The following JMJD1C variants were observed in gnomAD, a reference collection of about 807,000 sequenced individuals.
JMJD1C encodes the protein jumonji domain containing 1C.
Under a neutral mutation model 245.3 loss-of-function variants are expected in JMJD1C, and 31 were observed. The ratio of observed to expected loss-of-function variants is 0.13; its 90% CI spans 0.09 to 0.17. The LOEUF (loss-of-function observed/expected upper bound fraction) is 0.17, where lower values mean the gene tolerates loss of function less well. Ranked by LOEUF, JMJD1C falls within the 10% of genes least tolerant of loss-of-function variation. The pLI is 1.00. For missense variants in JMJD1C, 2,691 were observed against 3,000.2 expected (o/e 0.90, Z 2.41); for synonymous variants, 1,057 against 1,017.4 (o/e 1.04, Z -0.74).
chr10:63,239,128 G>A (rs147931468), intron 3 of JMJD1C, among the ~76,000 whole-genome samples: 1 of 152,150 alleles, frequency 6.6e-6, no homozygotes, highest in South Asian at 2.1e-4. Flanking sequence ...AACTGCAAGG[G>A]CATCTGCCAG....
intron 2 of JMJD1C, among the ~76,000 whole-genome samples, chr10:63,265,450 T>C (rs1220460391): frequency 6.6e-6 from 1 of 152,186 alleles, no homozygotes; most frequent in Non-Finnish European, 1.5e-5. Context: ...TTTAAGAAGA[T>C]ACCTTTAACA....
intron 4 of JMJD1C, among the ~76,000 whole-genome samples, chr10:63,219,002 T>C (rs1406216485): frequency 6.6e-6 from 1 of 152,150 alleles, no homozygotes; most frequent in South Asian, 2.1e-4. Context: ...TGAAATTTGA[T>C]AGAAGGGGGT....
In JMJD1C at chr10:63,205,839, T is replaced by A. The variant is rs538332949; in HGVS notation, c.5074+756A>T. 2.4e-3 allele frequency among the ~76,000 whole-genome samples: 364 copies of A among 152,282 alleles called. 3 individuals carry two copies. The South Asian group carries it at 0.029, about 12-fold the overall frequency. ...ACATTCCATCATTTTTTGTTTATTT[T>A]TTGAGACATGGTCTTGCTCTGTTGC... On this transcript the variant is annotated intron_variant, in intron 10 of 25. Coordinates refer to ENST00000399262, the MANE Select transcript of JMJD1C (RefSeq NM_032776.3).
chr10:63,170,905 A>G (rs924476618), intron 24 of JMJD1C, among the ~76,000 whole-genome samples: 8 of 152,170 alleles, frequency 5.3e-5, no homozygotes, highest in African/African-American at 1.7e-4. Flanking sequence ...TCTTATTCAT[A>G]CTTGCCTAAA....
chr10:63,187,089 T>C (rs183932376), intron 18 of JMJD1C, among the ~76,000 whole-genome samples: 1 of 152,158 alleles, frequency 6.6e-6, no homozygotes, highest in East Asian at 1.9e-4. Context: ...AATTAAAATA[T>C]AGGAACCACA....
intron 2 of JMJD1C, among the ~76,000 whole-genome samples, chr10:63,320,796 C>G (rs1940756733): frequency 2.0e-5 from 3 of 152,080 alleles, no homozygotes. Context: ...TCCTAAATCC[C>G]TAGGAATTTC....
chr10:63,193,424 C>T lies in JMJD1C; in HGVS notation c.5783G>A (p.Gly1928Asp). The change falls in exon 15 of 26, where the codon GGT (glycine) becomes GAT (aspartate). Residue 1928 changes from glycine to aspartate, a missense_variant. This residue lies in a region of JMJD1C where 275 missense variants were observed against 285.5 expected (regional missense o/e 0.96). Transcript: ENST00000399262. ...AGTACAATGACAATGGGATTTAATACCATATTTTTCCCTAAGAGTGTGCAT... is the reference window on the plus strand; with the variant it reads ...AGTACAATGACAATGGGATTTAATATCATATTTTTCCCTAAGAGTGTGCAT... The part of the protein sequence containing the change: ...DAMHTLREKY[G>D]IKSHCHCTNK... 6 of 1,597,682 alleles carry T rather than the reference C, an allele frequency of 3.8e-6. No homozygotes were observed. The highest frequency in any genetic ancestry group is 5.1e-6 in the Non-Finnish European group (6 of 1,168,030).
At chr10:63,418,518 G>A (rs578023716) in intron 1 of JMJD1C, among the ~76,000 whole-genome samples, 2 of 152,138 alleles carry the variant, frequency 1.3e-5, no homozygotes, top group African/African-American at 4.8e-5. Flanking sequence ...TTCCTTTATG[G>A]CTCAAAGGAA....
chr10:63,354,672 GCTT>G (rs200427687), intron 2 of JMJD1C, among the ~76,000 whole-genome samples: 21,287 of 76,254 alleles, frequency 0.28, 2,208 homozygotes, highest in East Asian at 0.59. Context: ...ATTTTCTACT[GCTT>G]TTTTCTGTTT....
intron 1 of JMJD1C, among the ~76,000 whole-genome samples, chr10:63,413,466 C>T (rs1949609544): frequency 6.6e-6 from 1 of 152,064 alleles, no homozygotes; most frequent in Non-Finnish European, 1.5e-5. Context: ...AAAATAGAGA[C>T]ATAATCTCAT....
intron 3 of JMJD1C, among the ~76,000 whole-genome samples, chr10:63,236,863 C>T (rs570524230): frequency 1.6e-4 from 25 of 152,088 alleles, no homozygotes; most frequent in Admixed American, 1.3e-3. Context: ...CCTGTAATAC[C>T]AGCACTTTGA....
intron 2 of JMJD1C, among the ~76,000 whole-genome samples, chr10:63,361,403 A>G (rs61853562): frequency 4.7e-4 from 72 of 152,286 alleles, no homozygotes; most frequent in Admixed American, 2.7e-3. Context: ...AGTCTGGACA[A>G]AAAGAGCAAG....
chr10:63,511,952 G>A (rs1044622803), intron 1 of JMJD1C, among the ~76,000 whole-genome samples: 7 of 151,862 alleles, frequency 4.6e-5, no homozygotes, highest in Admixed American at 6.6e-5. Flanking sequence ...TTCTCTCAGC[G>A]GTTTCCCTGG....
Position 63,243,441 on chromosome 10 carries a change from G to A in JMJD1C, c.447+21210C>T, listed in dbSNP as rs1030887821. On this transcript the variant is annotated intron_variant, in intron 3 of 25. Transcript: ENST00000399262. The stretch of plus-strand genomic sequence containing the variant: ...CTTGGGAGGCTGAGGCAGAAGAATC[G>A]CTTGAACCTGGGAAGCGGAAGTTGC... Among the ~76,000 whole-genome samples, 16 of 152,054 alleles carry A rather than the reference G, an allele frequency of 1.1e-4. No individual in the cohort carries two copies. In the East Asian group the frequency reaches 1.2e-3, roughly 11 times the overall value.
At chr10:63,433,184 C>T (rs1047743937) in intron 1 of JMJD1C, among the ~76,000 whole-genome samples, 1 of 151,874 alleles carries the variant, frequency 6.6e-6, no homozygotes, top group Non-Finnish European at 1.5e-5. Context: ...CTCTGCCTCC[C>T]GACCCCAGTT....
intron 24 of JMJD1C, among the ~76,000 whole-genome samples, chr10:63,169,735 T>G (rs1842176583): frequency 6.6e-6 from 1 of 152,220 alleles, no homozygotes; most frequent in African/African-American, 2.4e-5. Flanking sequence ...TTGGTTCCTC[T>G]GGAGGATGAA....
At chr10:63,330,973 AT>A (rs1942079190) in intron 2 of JMJD1C, among the ~76,000 whole-genome samples, 1 of 152,168 alleles carries the variant, frequency 6.6e-6, no homozygotes, top group East Asian at 1.9e-4. Context: ...TGCACAGTCG[AT>A]TACTCTATGA....
intron 3 of JMJD1C, among the ~76,000 whole-genome samples, chr10:63,262,904 G>A (rs899433353): frequency 2.0e-5 from 3 of 152,058 alleles, no homozygotes; most frequent in Non-Finnish European, 4.4e-5. Context: ...CCTGGCAAGA[G>A]TTTATTTTTA....
At chr10:63,413,721 G>T (rs1476805660) in intron 1 of JMJD1C, among the ~76,000 whole-genome samples, 1 of 151,120 alleles carries the variant, frequency 6.6e-6, no homozygotes, top group African/African-American at 2.4e-5. Flanking sequence ...TTTAACTTTA[G>T]GAAGTATTTT....
Sources: gnomAD v4.1 joint callset for allele counts (sites outside exome capture counted in the v4.1 genomes callset) on GRCh38, gnomAD v4.1.1 for gene constraint, gnomAD v4.1.1 regional missense constraint, MANE v1.5 for transcripts, NCBI Gene and HGNC (gene_info 2026-07-23, HGNC 2026-07-21) for gene names.